The following CHM variants were observed in gnomAD, a reference collection of about 807,000 sequenced individuals.
CHM encodes rab proteins geranylgeranyltransferase component A 1.
A neutral mutation model predicts 49.0 loss-of-function variants in CHM; 10 were observed. The observed-to-expected ratio is 0.20, with a 90% confidence interval of 0.13 to 0.35. The LOEUF (loss-of-function observed/expected upper bound fraction) is 0.35, where lower values mean the gene tolerates loss of function less well. CHM is among the 10% of genes least tolerant of loss of function. The pLI is 1.00. For missense variants in CHM, 455 were observed against 478.4 expected, an observed-to-expected ratio of 0.95 and a Z score of 0.46; for synonymous variants, 184 against 167.5, an observed-to-expected ratio of 1.10 and a Z score of -0.76.
At chrX:85,969,537 AGT>A (rs767860484) in intron 4 of CHM, 226 of 346,772 alleles carry the variant, frequency 6.5e-4, no homozygotes, top group Non-Finnish European at 8.1e-4. Context: ...TATGGAAAAC[AGT>A]ACAGAAGTTC....
chrX:86,036,114 A>G (rs978634565), intron 1 of CHM, among the ~76,000 whole-genome samples: 3 of 110,942 alleles, frequency 2.7e-5, no homozygotes, highest in African/African-American at 9.9e-5. Context: ...ATATTTGAAG[A>G]GATTTATTCT....
intron 11 of CHM, among the ~76,000 whole-genome samples, chrX:85,899,591 A>G (rs1003843565): frequency 9.1e-5 from 10 of 109,904 alleles, no homozygotes; most frequent in Admixed American, 2.0e-4. Context: ...CATTATTGCC[A>G]TCATGTATTT....
intron 8 of CHM, among the ~76,000 whole-genome samples, chrX:85,926,323 C>A (rs1227792386): frequency 9.0e-6 from 1 of 111,254 alleles, no homozygotes; most frequent in Admixed American, 9.6e-5. Context: ...GGTATAAAAT[C>A]TTCTCAGAGG....
intron 4 of CHM, chrX:85,969,209 C>T (rs5967659): frequency 0.23 from 170,849 of 736,126 alleles, 15,151 homozygotes; most frequent in Non-Finnish European, 0.25. Flanking sequence ...AGGGAAACAA[C>T]GTTCAGTACA....
intron 3 of CHM, among the ~76,000 whole-genome samples, chrX:85,979,988 G>A (rs992319250): frequency 1.8e-5 from 2 of 111,485 alleles, no homozygotes; most frequent in Non-Finnish European, 3.8e-5. Flanking sequence ...GAAAAGAACT[G>A]TGGACCAGGG....
rs190151453 is a variant in CHM, at chrX:85,943,212, A to T, written c.1166+12941T>A. Reference sequence around the variant, plus strand: ...GGGCTAATATCCAGAATCTACAATGAACTCAAACTACAATGAACTCAAACA... The same window carrying T: ...GGGCTAATATCCAGAATCTACAATGTACTCAAACTACAATGAACTCAAACA... On this transcript the variant is annotated intron_variant, in intron 8 of 14. Transcript: ENST00000357749. Among the ~76,000 whole-genome samples the T allele has an allele frequency of 3.3e-3, 363 of 110,564 alleles. 1 individual carries two copies. The highest frequency in any genetic ancestry group is 0.014 in the Middle Eastern group (3 of 218).
At chrX:85,972,114 T>C (rs1930957064) in intron 4 of CHM, among the ~76,000 whole-genome samples, 1 of 110,397 alleles carries the variant, frequency 9.1e-6, no homozygotes, top group South Asian at 4.0e-4. Context: ...GTGTTTACAA[T>C]CCCTGAGCTA....
rs72633128 is a variant in CHM, at chrX:85,963,191, G to A, written c.702+474C>T. 4.0e-4 allele frequency among the ~76,000 whole-genome samples: 44 copies of A among 111,085 alleles called. No individual in the cohort carries two copies. In the East Asian group the frequency reaches 0.011, roughly 29 times the overall value. On this transcript the variant is annotated intron_variant, in intron 5 of 14. Coordinates refer to ENST00000357749, the MANE Select transcript of CHM (RefSeq NM_000390.4). Reference sequence around the variant, plus strand: ...TATCCCTTCCCTAACCCCCAACCCCGACAGGCCCTGGTGTGTGATGTTCCC... The same window carrying A: ...TATCCCTTCCCTAACCCCCAACCCCAACAGGCCCTGGTGTGTGATGTTCCC...
At chrX:85,938,995 A>C (rs1315564833) in intron 8 of CHM, among the ~76,000 whole-genome samples, 6 of 112,175 alleles carry the variant, frequency 5.3e-5, no homozygotes, top group Non-Finnish European at 9.4e-5. Context: ...TTTTTACTGT[A>C]CCTTTCCTAT....
chrX:86,028,791 G>A (rs1933938042), intron 1 of CHM, among the ~76,000 whole-genome samples: 1 of 111,080 alleles, frequency 9.0e-6, no homozygotes, highest in Admixed American at 9.6e-5. Flanking sequence ...ATTCTATAGT[G>A]CTACTACGAA....
chrX:85,934,005 G>A (rs1488620472), intron 8 of CHM, among the ~76,000 whole-genome samples: 6 of 108,219 alleles, frequency 5.5e-5, no homozygotes, highest in African/African-American at 2.0e-4. Flanking sequence ...CTTTGAGACG[G>A]AGTCTCGCTC....
chrX:85,995,845 C>T (rs1932413239), intron 2 of CHM, among the ~76,000 whole-genome samples: 1 of 111,150 alleles, frequency 9.0e-6, no homozygotes, highest in South Asian at 3.8e-4. Flanking sequence ...AAATTAGTTC[C>T]ACAGACATCA....
In CHM at chrX:85,958,845, T is replaced by A. The variant is rs370010472; in HGVS notation, c.819+16A>T. On this transcript the variant is annotated intron_variant, in intron 6 of 14. Transcript: ENST00000357749. ...TTAAGCTGATGCCCAGTTACAATTC[T>A]TGATCAGCACAGTACCTGTTCCACT... 2.7e-5 allele frequency: 33 copies of A among 1,209,494 alleles called. No homozygotes were observed. Among genetic ancestry groups the A allele is most frequent in the Middle Eastern group, 2.3e-4 (1 of 4,365 alleles).
At chrX:85,928,258 TA>T (rs1334675267) in intron 8 of CHM, among the ~76,000 whole-genome samples, 2 of 111,961 alleles carry the variant, frequency 1.8e-5, no homozygotes, top group Non-Finnish European at 3.8e-5. Context: ...ATTATAAAAA[TA>T]GGGCCGGGCG....
intron 2 of CHM, among the ~76,000 whole-genome samples, chrX:85,998,235 T>A (rs1408366182): frequency 9.0e-6 from 1 of 111,609 alleles, no homozygotes; most frequent in Non-Finnish European, 1.9e-5. Context: ...AATGAGTAAA[T>A]ACACAGAGGT....
rs189325774 is a variant in CHM, at chrX:85,892,257, G to C, written c.1510+1931C>G. Among the ~76,000 whole-genome samples the C allele has an allele frequency of 7.9e-3, 866 of 109,938 alleles. 6 individuals are homozygous for C. The highest frequency in any genetic ancestry group is 0.011 in the Non-Finnish European group (562 of 52,620). ...CTGTTGGGAAGGCATGATTGCTTTTGAAATGTGAGGACATGAGATTTGGAG... is the reference window on the plus strand; with the variant it reads ...CTGTTGGGAAGGCATGATTGCTTTTCAAATGTGAGGACATGAGATTTGGAG... On this transcript the variant is annotated intron_variant, in intron 12 of 14. Transcript: ENST00000357749.
chrX:85,883,329 A>G (rs749841167), intron 12 of CHM, among the ~76,000 whole-genome samples: 1 of 111,721 alleles, frequency 9.0e-6, no homozygotes, highest in South Asian at 3.7e-4. Flanking sequence ...TATCTTTCAT[A>G]TAACTATAAA....
At chrX:85,982,885 C>T (rs1217627964) in intron 2 of CHM, among the ~76,000 whole-genome samples, 2 of 111,818 alleles carry the variant, frequency 1.8e-5, no homozygotes, top group Admixed American at 1.9e-4. Context: ...CACCTGTAAT[C>T]CCAGCTACTT....
intron 5 of CHM, among the ~76,000 whole-genome samples, chrX:85,961,099 T>A (rs903357659): frequency 2.7e-5 from 3 of 110,971 alleles, no homozygotes; most frequent in Admixed American, 9.6e-5. Flanking sequence ...TCAACTAGTT[T>A]GGAGATACTG....
Sources: allele counts gnomAD v4.1 joint callset (sites outside exome capture counted in the v4.1 genomes callset), GRCh38; gene constraint gnomAD v4.1.1; transcripts MANE v1.5; gene names NCBI Gene and HGNC (gene_info 2026-07-23, HGNC 2026-07-21).